Variants in KDM5A observed in about 807,000 individuals in gnomAD.
KDM5A encodes the protein lysine demethylase 5A.
A neutral mutation model predicts 193.5 loss-of-function variants in KDM5A; 42 were observed. The ratio of observed to expected loss-of-function variants is 0.22; its 90% CI spans 0.17 to 0.28. KDM5A has a LOEUF of 0.28. Among genes scored for constraint, KDM5A ranks in the 10% least tolerant of loss-of-function variants. The probability of loss-of-function intolerance (pLI) is 1.00; values close to 1 mark genes in which losing one functional copy is unlikely to be tolerated. For synonymous variants in KDM5A, 796 were observed against 718.1 expected, an observed-to-expected ratio of 1.11 and a Z score of -1.73; for missense variants, 1,692 against 2,055.1, an observed-to-expected ratio of 0.82 and a Z score of 3.42.
At chr12:314,741 T>C (rs926721591) in intron 19 of KDM5A, among the ~76,000 whole-genome samples, 1 of 151,934 alleles carries the variant, frequency 6.6e-6, no homozygotes, top group Non-Finnish European at 1.5e-5. Context: ...CCACAGGAGA[T>C]GGGCTGAAAA....
Position 336,686 on chromosome 12 carries a change from C to T in KDM5A, c.1309-2264G>A, listed in dbSNP as rs376494946. Among the ~76,000 whole-genome samples the T allele has an allele frequency of 2.3e-3, 351 of 151,952 alleles. 16 individuals are homozygous for T. The South Asian group carries it at 0.071, about 31-fold the overall frequency. ...TGAAATCCCATCACTAGTAAAAATA[C>T]AAAAATCAGCCAAGCGTGGTGGTGC... On this transcript the variant is annotated intron_variant, in intron 10 of 27. Coordinates refer to ENST00000399788, the MANE Select transcript of KDM5A (RefSeq NM_001042603.3).
rs973604841 is a variant in KDM5A, at chr12:355,035, G to T, written c.870+123C>A. 38 of 726,260 alleles carry T rather than the reference G, an allele frequency of 5.2e-5. No individual in the cohort carries two copies. In the East Asian group the frequency reaches 1.0e-3, roughly 19 times the overall value. The allele number at this position is 726,260 out of a possible 1,614,324, so 45.0% of individuals were successfully genotyped here. A position where few individuals can be genotyped will look rare whatever the true frequency, so the allele number is the denominator to read the frequency against. ...AAACAAAAGCTGTAACTTCACAGAT[G>T]TGCCATCAAGTCTTCTAACCAAACG... On this transcript the variant is annotated intron_variant, in intron 7 of 27. Coordinates refer to ENST00000399788, the MANE Select transcript of KDM5A (RefSeq NM_001042603.3).
chr12:323,567 G>A (rs2137411414), intron 15 of KDM5A, 33 bp downstream of exon 15: 1 of 1,591,084 alleles, frequency 6.3e-7, no homozygotes, highest in South Asian at 1.1e-5. Flanking sequence ...TTAAAAAAAG[G>A]TAATGGAAGT....
intron 8 of KDM5A, among the ~76,000 whole-genome samples, 156 bp downstream of exon 8, chr12:353,920 C>CAAAA (rs35599427): frequency 8.3e-6 from 1 of 120,744 alleles, no homozygotes. Context: ...GACACCATCT[C>CAAAA]AAAAAAAAAA....
chr12:344,433 T>C (rs1490289833), intron 10 of KDM5A, among the ~76,000 whole-genome samples: 2 of 152,024 alleles, frequency 1.3e-5, no homozygotes, highest in African/African-American at 4.8e-5. Context: ...AAAATACTCC[T>C]TGAGAAGAGC....
chr12:357,473 G>C (rs1029637796), intron 5 of KDM5A, among the ~76,000 whole-genome samples: 9 of 151,580 alleles, frequency 5.9e-5, no homozygotes, highest in Non-Finnish European at 7.4e-5. Flanking sequence ...CCACACCCCA[G>C]CCTGGGTGAC....
intron 24 of KDM5A, among the ~76,000 whole-genome samples, chr12:301,306 A>G (rs914887453): frequency 1.3e-5 from 2 of 152,232 alleles, no homozygotes; most frequent in Non-Finnish European, 2.9e-5. Flanking sequence ...TGAATCCAGC[A>G]GTACATCAAA....
chr12:388,877 G>C, intron 1 of KDM5A, 50 bp downstream of exon 1: 2 of 1,587,172 alleles, frequency 1.3e-6, no homozygotes, highest in Non-Finnish European at 1.7e-6. Flanking sequence ...CCCAGTGTAC[G>C]GACTCCCCCA....
Position 366,119 on chromosome 12 carries a change from A to G in KDM5A, c.367-15T>C, listed in dbSNP as rs1329310075. On this transcript the variant is annotated splice_polypyrimidine_tract_variant and intron_variant, in intron 3 of 27. Transcript: ENST00000399788. ...CTGGCAACAATCTGAAAAGAAAGTA[A>G]AAGTTGCTTAGAGAAAAAAGGCAAA... is the stretch of plus-strand genomic sequence containing the variant. The G allele has an allele frequency of 6.2e-7, 1 of 1,613,232 alleles. No homozygotes were observed. The highest frequency in any genetic ancestry group is 1.3e-5 in the African/African-American group (1 of 74,894).
chr12:333,984 T>C (rs531515191), intron 11 of KDM5A, among the ~76,000 whole-genome samples: 30 of 152,284 alleles, frequency 2.0e-4, no homozygotes, highest in Admixed American at 1.7e-3. Context: ...ACACATGACC[T>C]TGATTCAGAG....
chr12:311,107 G>A (rs1943579896), intron 20 of KDM5A, 43 bp from the exon 21 acceptor site: 1 of 1,594,534 alleles, frequency 6.3e-7, no homozygotes, highest in Admixed American at 1.7e-5. Flanking sequence ...GTTCTCTTAT[G>A]GGGTTTGGCA....
At chr12:321,688 G>C (rs574559109) in intron 17 of KDM5A, among the ~76,000 whole-genome samples, 11 of 152,130 alleles carry the variant, frequency 7.2e-5, no homozygotes, top group Non-Finnish European at 1.0e-4. Flanking sequence ...GAAATGTGTT[G>C]GAATTACTAC....
chr12:285,699 T>C (rs1943212097), intron 27 of KDM5A, 37 bp from the exon 28 acceptor site: 1 of 1,574,622 alleles, frequency 6.4e-7, no homozygotes, highest in South Asian at 1.1e-5. Context: ...TTAGGTTACA[T>C]AAACATTAAG....
At chr12:384,797 T>C (rs1399243675) in intron 2 of KDM5A, among the ~76,000 whole-genome samples, 1 of 152,210 alleles carries the variant, frequency 6.6e-6, no homozygotes, top group Admixed American at 6.5e-5. Flanking sequence ...TGTCATTTCA[T>C]CCATATGTAA....
chr12:357,470 C>A (rs996820786), intron 5 of KDM5A, among the ~76,000 whole-genome samples: 8 of 151,984 alleles, frequency 5.3e-5, no homozygotes, highest in Admixed American at 4.6e-4. Flanking sequence ...CTACCACACC[C>A]CAGCCTGGGT....
At chr12:312,999 AT>A (rs1943607772) in intron 20 of KDM5A, 56 bp downstream of exon 20, 2 of 1,523,418 alleles carry the variant, frequency 1.3e-6, no homozygotes. Flanking sequence ...AGTTTAAAAG[AT>A]TAATCCATGA....
At chr12:358,798 C>A (rs978579550) in intron 5 of KDM5A, among the ~76,000 whole-genome samples, 8 of 151,926 alleles carry the variant, frequency 5.3e-5, no homozygotes, top group African/African-American at 1.9e-4. Flanking sequence ...ATGGTGAAAC[C>A]CTGCTTCTAC....
rs549587478 is a variant in KDM5A at position 368,346 on chromosome 12, T to C, written c.367-2242A>G. On this transcript the variant is annotated intron_variant, in intron 3 of 27. Transcript: ENST00000399788. ...CCACTCAACTGTGTATTTTTAAATG[T>C]TGATGCTACATATACAATTTTTTAA... is the stretch of plus-strand genomic sequence containing the variant. Among the ~76,000 whole-genome samples the C allele has an allele frequency of 1.3e-3, 198 of 152,186 alleles. 2 individuals are homozygous for C. Among genetic ancestry groups the C allele is most frequent in the Non-Finnish European group, 2.2e-3 (150 of 68,026 alleles).
At position 373,448 on chromosome 12, in the gene KDM5A, T is replaced by A. The variant is rs7955336; in HGVS notation, c.367-7344A>T. On this transcript the variant is annotated intron_variant, in intron 3 of 27. Coordinates refer to ENST00000399788, the MANE Select transcript of KDM5A (RefSeq NM_001042603.3). ...TGGTGGTGATATCCCCTTTATCATT[T>A]TTTATTGCGTCTATTTGATTCTTCT... is the stretch of plus-strand genomic sequence containing the variant. Among the ~76,000 whole-genome samples, 450 of 152,326 alleles carry A rather than the reference T, an allele frequency of 3.0e-3. 1 individual carries two copies. Among genetic ancestry groups the A allele is most frequent in the African/African-American group, 0.01 (429 of 41,572 alleles).
Sources: gnomAD v4.1 joint callset for allele counts (sites outside exome capture counted in the v4.1 genomes callset) on GRCh38, gnomAD v4.1.1 for gene constraint, MANE v1.5 for transcripts, NCBI Gene and HGNC (gene_info 2026-07-23, HGNC 2026-07-21) for gene names.